Variants in NFIC observed in about 807,000 individuals in gnomAD.
NFIC encodes the protein nuclear factor 1 C-type.
NFIC carries 12 observed loss-of-function variants against 54.4 expected under a neutral mutation model. The observed-to-expected ratio is 0.22, with a 90% CI of 0.14 to 0.36. NFIC has a LOEUF of 0.36. Among genes scored for constraint, NFIC ranks in the 10% least tolerant of loss-of-function variants. The pLI is 1.00. For missense variants in NFIC, 575 were observed against 718.2 expected (o/e 0.80, Z 2.28); for synonymous variants, 322 against 319.2 (o/e 1.01, Z -0.09).
chr19:3,429,055 C>T (rs1442036788), intron 3 of NFIC, among the ~76,000 whole-genome samples: 3 of 151,046 alleles, frequency 2.0e-5, no homozygotes, highest in Admixed American at 6.6e-5. Flanking sequence ...GAGGCTGAAG[C>T]GGGAGGATCG....
intron 2 of NFIC, 105 bp downstream of exon 2, chr19:3,382,348 G>T: frequency 6.2e-6 from 9 of 1,460,138 alleles, no homozygotes; most frequent in Non-Finnish European, 8.3e-6. Context: ...GTGTGGGTAT[G>T]ATGTGGTGGT....
chr19:3,415,533 A>C (rs1032624085), intron 2 of NFIC, among the ~76,000 whole-genome samples: 2 of 152,008 alleles, frequency 1.3e-5, no homozygotes, highest in African/African-American at 4.8e-5. Flanking sequence ...TGAAGCCCAG[A>C]GATGGGCAGG....
chr19:3,409,686 G>A lies in NFIC; in HGVS notation c.563-15420G>A, dbSNP rs187651281. Among the ~76,000 whole-genome samples, 339 of 152,374 alleles carry A rather than the reference G, an allele frequency of 2.2e-3. 1 individual carries two copies. Among genetic ancestry groups the A allele is most frequent in the African/African-American group, 8.0e-3 (332 of 41,598 alleles). On this transcript the variant is annotated intron_variant, in intron 2 of 10. Coordinates refer to ENST00000443272, the MANE Select transcript of NFIC (RefSeq NM_001245002.2). Reference sequence around the variant, plus strand: ...GGGTGGGGCCAGAGCCCACGGCGATGCCTTTGTCATGAGCTAGGATGGACT... The same window carrying A: ...GGGTGGGGCCAGAGCCCACGGCGATACCTTTGTCATGAGCTAGGATGGACT...
chr19:3,464,012 G>T lies in NFIC; in HGVS notation c.*1243G>T. ...TGCGTGGCCCGAGGGGCAGAGCTGG[G>T]CGTCACTTCGCAAGCGTCCTGCCCT... On this transcript the variant is annotated 3_prime_UTR_variant, in exon 11 of 11. Transcript: ENST00000443272. 1 of 985,314 alleles carries T rather than the reference G, an allele frequency of 1.0e-6. No individual in the cohort carries two copies. The highest frequency in any genetic ancestry group is 1.2e-6 in the Non-Finnish European group (1 of 829,946). The allele number at this position is 985,314 out of a possible 1,614,324, so 61.0% of individuals were successfully genotyped here.
Position 3,452,100 on chromosome 19 carries a change from T to TAA in NFIC, c.1085-382_1085-381insAA, listed in dbSNP as rs2082473379. Among the ~76,000 whole-genome samples the TAA allele has an allele frequency of 1.3e-5, 1 of 79,628 alleles. No homozygotes were observed. The allele number at this position is 79,628 out of a possible 152,430, so 52.2% of individuals were successfully genotyped here. ...CTGCACTCCAGCCTGGGTGACTGTC[T>TAA]CAAAAAAAAAAAAAAAAAAAAAAGA... On this transcript the variant is annotated intron_variant, in intron 7 of 10. Coordinates refer to ENST00000443272, the MANE Select transcript of NFIC (RefSeq NM_001245002.2). The surrounding 1 kb of genome is among the most constrained non-coding windows in gnomAD (Gnocchi z 5.3).
intron 2 of NFIC, among the ~76,000 whole-genome samples, chr19:3,385,556 T>A (rs1030265653): frequency 1.4e-5 from 2 of 148,018 alleles, no homozygotes; most frequent in Non-Finnish European, 3.0e-5. Flanking sequence ...TTTTTGGGGG[T>A]TTTTTTGGTT....
intron 3 of NFIC, among the ~76,000 whole-genome samples, chr19:3,429,293 C>CACACACAT (rs1244819392): frequency 1.5e-5 from 2 of 133,634 alleles, no homozygotes; most frequent in Non-Finnish European, 3.1e-5. Context: ...CACACACACA[C>CACACACAT]ACTAGCCAAA....
intron 2 of NFIC, among the ~76,000 whole-genome samples, chr19:3,384,111 G>A (rs2081255663): frequency 6.7e-6 from 1 of 150,242 alleles, no homozygotes; most frequent in Non-Finnish European, 1.5e-5. Context: ...CTGGAGTGCA[G>A]TGGTGCAATC....
chr19:3,448,548 G>T (rs1443195533), intron 6 of NFIC, among the ~76,000 whole-genome samples: 1 of 152,184 alleles, frequency 6.6e-6, no homozygotes, highest in Non-Finnish European at 1.5e-5. Context: ...CCCCAGGGAG[G>T]CTCCGTTCCT....
At chr19:3,373,230 C>T (rs1395352914) in intron 1 of NFIC, among the ~76,000 whole-genome samples, 1 of 152,254 alleles carries the variant, frequency 6.6e-6, no homozygotes, top group Admixed American at 6.5e-5. Flanking sequence ...CCTCCACCTC[C>T]TGGCCCCTCT....
intron 4 of NFIC, 123 bp from the exon 5 acceptor site, chr19:3,434,154 C>T (rs1017684248): frequency 9.1e-6 from 13 of 1,423,884 alleles, no homozygotes; most frequent in South Asian, 2.8e-5. Context: ...CCCTAGGAAC[C>T]GGGCCAATAT....
At position 3,462,971 on chromosome 19, in the gene NFIC, GAAGA is replaced by G. The variant is rs1482759526; in HGVS notation, c.*205_*208del. 5.0e-6 allele frequency: 7 copies of G among 1,413,242 alleles called. No homozygotes were observed. The Admixed American group carries it at 1.6e-4, about 32-fold the overall frequency. 87.5% of individuals were successfully genotyped at this position (1,413,242 alleles called of 1,614,324 possible). ...AAAAACAAAGGCAGAAGAAGAAGAAGAAGAAATAAAAACCCACCCAAGCAAGAAG... is the reference window on the plus strand; with the variant it reads ...AAAAACAAAGGCAGAAGAAGAAGAAGAATAAAAACCCACCCAAGCAAGAAG... On this transcript the variant is annotated 3_prime_UTR_variant, in exon 11 of 11. Coordinates refer to ENST00000443272, the MANE Select transcript of NFIC (RefSeq NM_001245002.2).
intron 1 of NFIC, among the ~76,000 whole-genome samples, chr19:3,372,849 C>T (rs1191707656): frequency 6.8e-6 from 1 of 146,600 alleles, no homozygotes; most frequent in Non-Finnish European, 1.5e-5. Flanking sequence ...TCATAGTAGA[C>T]TTTTTTTTTT....
chr19:3,369,272 GTC>G lies in NFIC; in HGVS notation c.30+2610_30+2611del, dbSNP rs964899878. ...CTGTTTCTCTCCAATATGTCTGTCT[GTC>G]TCTTCATCTCTGTCTCACCTTCCCT... On this transcript the variant is annotated intron_variant, in intron 1 of 10. Coordinates refer to ENST00000443272, the MANE Select transcript of NFIC (RefSeq NM_001245002.2). This position sits in a 1 kb window ranked among gnomAD's most constrained non-coding sequence, Gnocchi z 4.3. 1.3e-5 allele frequency among the ~76,000 whole-genome samples: 2 copies of G among 151,184 alleles called. No individual in the cohort carries two copies. The highest frequency in any genetic ancestry group is 2.4e-5 in the African/African-American group (1 of 41,074).
intron 2 of NFIC, among the ~76,000 whole-genome samples, chr19:3,383,741 C>T (rs544919729): frequency 4.6e-5 from 7 of 152,294 alleles, no homozygotes; most frequent in African/African-American, 7.2e-5. Context: ...CAGACGCAGA[C>T]CCACACAGGT....
chr19:3,408,491 G>T (rs1430508467), intron 2 of NFIC, among the ~76,000 whole-genome samples: 2 of 152,116 alleles, frequency 1.3e-5, no homozygotes, highest in African/African-American at 2.4e-5. Context: ...ACCCAGGCTG[G>T]AGTGCAGTGG....
At chr19:3,446,449 C>T (rs1443313921) in intron 6 of NFIC, among the ~76,000 whole-genome samples, 2 of 152,186 alleles carry the variant, frequency 1.3e-5, no homozygotes, top group African/African-American at 4.8e-5. Flanking sequence ...CCTGCAGTGC[C>T]CAGGAGGGCC....
At chr19:3,437,120 C>A (rs2145638392) in intron 6 of NFIC, among the ~76,000 whole-genome samples, 1 of 152,214 alleles carries the variant, frequency 6.6e-6, no homozygotes, top group South Asian at 2.1e-4. Flanking sequence ...GTAATCCCAG[C>A]ACTTTGGGAG....
In NFIC at chr19:3,452,510, C is replaced by T. The variant is rs138179732; in HGVS notation, c.1113C>T (p.Ser371=). 28 of 1,612,930 alleles carry T rather than the reference C, an allele frequency of 1.7e-5. No homozygotes were observed. Among genetic ancestry groups the T allele is most frequent in the South Asian group, 1.3e-4 (12 of 91,064 alleles). The change falls in exon 8 of 11, where the codon TCC becomes TCT. Residue 371 remains serine (S), a synonymous_variant. Transcript: ENST00000443272. This position sits in a 1 kb window ranked among gnomAD's most constrained non-coding sequence, Gnocchi z 5.3. The part of the protein sequence containing the change: ...SGIARSPHPS[S]ALHFPTTSIL... ...TCGCCCGGAGCCCACACCCGTCCTCCGCTCTGCATTTCCCTACGACGTCCA... is the reference window on the plus strand; with the variant it reads ...TCGCCCGGAGCCCACACCCGTCCTCTGCTCTGCATTTCCCTACGACGTCCA...
Sources: allele counts gnomAD v4.1 joint callset (sites outside exome capture counted in the v4.1 genomes callset), GRCh38; gene constraint gnomAD v4.1.1; non-coding constraint Gnocchi (gnomAD v3.1); transcripts MANE v1.5; gene names NCBI Gene and HGNC (gene_info 2026-07-23, HGNC 2026-07-21).